Variants in GTF2A1L observed in about 807,000 individuals in gnomAD.
GTF2A1L encodes TFIIA-alpha and beta-like factor.
GTF2A1L carries 48 observed loss-of-function variants against 49.7 expected under a neutral mutation model. That is an observed-to-expected ratio of 0.97 (90% confidence interval 0.77 to 1.23). The LOEUF is 1.23. Ranked by LOEUF, GTF2A1L falls within the 50% of genes most tolerant of loss-of-function variation. The pLI is 0.00. For synonymous variants in GTF2A1L, 246 were observed against 193.5 expected (o/e 1.27, Z -2.25); for missense variants, 736 against 564.8 (o/e 1.30, Z -3.07).
At chr2:48,658,127 T>C (rs1422359053) in intron 6 of GTF2A1L, among the ~76,000 whole-genome samples, 1 of 152,228 alleles carries the variant, frequency 6.6e-6, no homozygotes, top group African/African-American at 2.4e-5. Context: ...TTGTCAATTA[T>C]TGTTTTTGTT....
chr2:48,661,649 A>T (rs1309733259), intron 6 of GTF2A1L, among the ~76,000 whole-genome samples: 1 of 152,042 alleles, frequency 6.6e-6, no homozygotes, highest in Non-Finnish European at 1.5e-5. Context: ...TTATGTGATT[A>T]AAAATTATTT....
chr2:48,659,246 G>T (rs556100411), intron 6 of GTF2A1L, among the ~76,000 whole-genome samples: 215 of 152,142 alleles, frequency 1.4e-3, no homozygotes, highest in African/African-American at 4.8e-3. Context: ...GCAAGATTAG[G>T]GAAATGTTCT....
intron 6 of GTF2A1L, among the ~76,000 whole-genome samples, chr2:48,663,312 T>C (rs953983555): frequency 2.6e-5 from 4 of 152,050 alleles, no homozygotes; most frequent in Admixed American, 2.6e-4. Flanking sequence ...GGTGCCCTCT[T>C]GTAGTTCCAG....
chr2:48,621,409 C>A (rs17037474), intron 3 of GTF2A1L, 119 bp downstream of exon 3: 4 of 1,373,820 alleles, frequency 2.9e-6, no homozygotes, highest in African/African-American at 2.9e-5. Context: ...ACACCTAAAT[C>A]ATTTCTATTA....
At chr2:48,654,445 C>G (rs547784723) in intron 6 of GTF2A1L, among the ~76,000 whole-genome samples, 7 of 152,158 alleles carry the variant, frequency 4.6e-5, no homozygotes, top group South Asian at 2.1e-4. Flanking sequence ...GTCGCCCAGG[C>G]TGGAGTACAG....
chr2:48,675,090 C>G (rs968766843), intron 8 of GTF2A1L, among the ~76,000 whole-genome samples: 1 of 152,092 alleles, frequency 6.6e-6, no homozygotes, highest in Non-Finnish European at 1.5e-5. Context: ...TGATTTGTTT[C>G]AAATAGTATT....
Position 48,646,859 on chromosome 2 carries a change from T to A in GTF2A1L, c.795T>A (p.Ser265Arg), listed in dbSNP as rs780090783. The stretch of plus-strand genomic sequence containing the variant: ...ATTCTAATGTGGAGTCAGTGCTCAG[T>A]GGTTCAGCTAGCATGGCTCAAAATC... ...QTNSNVESVLSGSASMAQNLH... is the reference protein window; with the variant it reads ...QTNSNVESVLRGSASMAQNLH... The change falls in exon 6 of 9, where the codon AGT becomes AGA. Residue 265 changes from serine (S) to arginine (R), a missense_variant. Transcript: ENST00000403751. 2 of 1,614,078 alleles carry A rather than the reference T, an allele frequency of 1.2e-6. No individual in the cohort carries two copies. The highest frequency in any genetic ancestry group is 2.2e-5 in the South Asian group (2 of 91,090).
intron 6 of GTF2A1L, among the ~76,000 whole-genome samples, chr2:48,659,717 T>C (rs1263024124): frequency 6.6e-6 from 1 of 152,130 alleles, no homozygotes; most frequent in African/African-American, 2.4e-5. Flanking sequence ...AAATAACCTA[T>C]TCTTTTTGGT....
chr2:48,620,810 T>C, intron 1 of GTF2A1L, 41 bp from the exon 2 acceptor site: 2 of 1,100,006 alleles, frequency 1.8e-6, no homozygotes, highest in Non-Finnish European at 2.3e-6. Context: ...AATAAATAAA[T>C]AAATAAATAA....
chr2:48,676,385 G>GGTATTCC (rs1679467876), intron 8 of GTF2A1L, among the ~76,000 whole-genome samples: 1 of 151,712 alleles, frequency 6.6e-6, no homozygotes, highest in African/African-American at 2.4e-5. Context: ...GGGTCAAAGG[G>GGTATTCC]CAAATGTACG....
At chr2:48,668,034 G>A (rs1678943478) in intron 6 of GTF2A1L, among the ~76,000 whole-genome samples, 1 of 152,102 alleles carries the variant, frequency 6.6e-6, no homozygotes, top group Non-Finnish European at 1.5e-5. Flanking sequence ...GGCTTTTTGG[G>A]TGCTGTATCA....
chr2:48,666,702 C>A (rs561313842), intron 6 of GTF2A1L, among the ~76,000 whole-genome samples: 58 of 151,656 alleles, frequency 3.8e-4, no homozygotes, highest in African/African-American at 1.4e-3. Context: ...ACTGATGACC[C>A]CTTCACATGA....
chr2:48,645,947 C>CT (rs71399071), intron 5 of GTF2A1L, among the ~76,000 whole-genome samples: 22,760 of 144,240 alleles, frequency 0.16, 1,952 homozygotes, highest in South Asian at 0.25. Flanking sequence ...CGCGCCTGGC[C>CT]TTTTTTTTTT....
chr2:48,654,872 A>G (rs901359962), intron 6 of GTF2A1L, among the ~76,000 whole-genome samples: 8 of 152,308 alleles, frequency 5.3e-5, no homozygotes, highest in Admixed American at 2.0e-4. Flanking sequence ...TCATGTGACT[A>G]TCTTTTTGCT....
At chr2:48,640,378 A>G (rs34889436) in intron 3 of GTF2A1L, among the ~76,000 whole-genome samples, 14 of 152,224 alleles carry the variant, frequency 9.2e-5, no homozygotes, top group Admixed American at 9.2e-4. Context: ...GAATGAGATC[A>G]TGTCTTTTGT....
At chr2:48,649,997 A>T (rs1677755972) in intron 6 of GTF2A1L, among the ~76,000 whole-genome samples, 1 of 152,026 alleles carries the variant, frequency 6.6e-6, no homozygotes, top group Non-Finnish European at 1.5e-5. Flanking sequence ...CCTCTGGTTA[A>T]TTCCTGCTTA....
intron 6 of GTF2A1L, among the ~76,000 whole-genome samples, chr2:48,661,137 T>C (rs1486403027): frequency 6.6e-6 from 1 of 151,986 alleles, no homozygotes; most frequent in African/African-American, 2.4e-5. Flanking sequence ...ATTTGTTCTC[T>C]CCTTTATAGT....
intron 3 of GTF2A1L, among the ~76,000 whole-genome samples, chr2:48,631,700 G>T (rs1676587972): frequency 6.6e-6 from 1 of 151,910 alleles, no homozygotes; most frequent in African/African-American, 2.4e-5. Context: ...CTTTTCATCT[G>T]GCTCTAGGGT....
chr2:48,635,920 A>AG (rs1423785220), intron 3 of GTF2A1L, among the ~76,000 whole-genome samples: 1 of 152,112 alleles, frequency 6.6e-6, no homozygotes, highest in Non-Finnish European at 1.5e-5. Flanking sequence ...AGGAAAAAAA[A>AG]AGTTCTCCCT....
Sources: gnomAD v4.1 joint callset for allele counts (sites outside exome capture counted in the v4.1 genomes callset) on GRCh38, gnomAD v4.1.1 for gene constraint, MANE v1.5 for transcripts, NCBI Gene and HGNC (gene_info 2026-07-23, HGNC 2026-07-21) for gene names.